RANBP17: variants seen among roughly 807,000 people sequenced by gnomAD.
RANBP17 encodes the protein RAN binding protein 17.
Under a neutral mutation model 141.2 loss-of-function variants are expected in RANBP17, and 158 were observed. That is an observed-to-expected ratio of 1.12 (90% CI 0.98 to 1.28). The LOEUF is 1.28. Ranked by LOEUF, RANBP17 falls within the 50% of genes most tolerant of loss-of-function variation. RANBP17 has a pLI of 0.00. For synonymous variants in RANBP17, 430 were observed against 450.0 expected (o/e 0.96, Z 0.56); for missense variants, 1,438 against 1,290.7 (o/e 1.11, Z -1.75).
chr5:171,053,905 AT>A (rs1451220844), intron 14 of RANBP17, among the ~76,000 whole-genome samples: 16 of 136,732 alleles, frequency 1.2e-4, no homozygotes, highest in African/African-American at 4.1e-4. Flanking sequence ...ATATATATAT[AT>A]ATATATATAT....
chr5:170,902,817 T>C (rs1261121245), intron 5 of RANBP17, among the ~76,000 whole-genome samples: 3 of 152,176 alleles, frequency 2.0e-5, no homozygotes, highest in Admixed American at 6.6e-5. Flanking sequence ...GGAGGTTCAC[T>C]CCAGACCCTG....
At chr5:171,277,192 A>AT (rs1767541535) in intron 25 of RANBP17, among the ~76,000 whole-genome samples, 1 of 151,838 alleles carries the variant, frequency 6.6e-6, no homozygotes, top group African/African-American at 2.4e-5. Flanking sequence ...GTTATTTAGG[A>AT]TTTCACTTGC....
chr5:171,274,085 G>A (rs1255012874), intron 25 of RANBP17, among the ~76,000 whole-genome samples: 2 of 151,466 alleles, frequency 1.3e-5, no homozygotes, highest in Non-Finnish European at 2.9e-5. Context: ...GTTTGTTTGA[G>A]ATAAAAATAA....
chr5:171,094,969 G>A (rs1263916923), intron 14 of RANBP17, among the ~76,000 whole-genome samples: 1 of 152,136 alleles, frequency 6.6e-6, no homozygotes, highest in African/African-American at 2.4e-5. Flanking sequence ...AATAAAGTAA[G>A]TCCAATCCCT....
intron 14 of RANBP17, among the ~76,000 whole-genome samples, chr5:171,073,312 A>G (rs1248779866): frequency 1.3e-5 from 2 of 152,202 alleles, no homozygotes; most frequent in East Asian, 1.9e-4. Context: ...GAAAACAGGT[A>G]ATGTTTTGAC....
chr5:171,007,149 A>G (rs1272892061), intron 14 of RANBP17, among the ~76,000 whole-genome samples: 3 of 152,154 alleles, frequency 2.0e-5, no homozygotes, highest in Admixed American at 2.0e-4. Context: ...GTTGAATTGT[A>G]GGACAGAGTT....
intron 5 of RANBP17, among the ~76,000 whole-genome samples, chr5:170,907,096 T>C (rs1422156): frequency 0.6 from 91,012 of 151,702 alleles, 29,072 homozygotes; most frequent in South Asian, 0.88. Context: ...GATAAATTCA[T>C]GTAGTATCCA....
At chr5:170,886,582 A>G (rs181832676) in intron 3 of RANBP17, among the ~76,000 whole-genome samples, 1 of 150,732 alleles carries the variant, frequency 6.6e-6, no homozygotes, top group Admixed American at 6.6e-5. Flanking sequence ...GATAAAATAG[A>G]GTAGTATCTA....
rs1761008869 is a variant in RANBP17 at position 171,183,436 on chromosome 5, G to A, written c.2038+6G>A. ...CCTTCTGATGGTAGATCTGGGTAAG[G>A]TTAAGAATTTAAACTCAATTAATAA... is the stretch of plus-strand genomic sequence containing the variant. On this transcript the variant is annotated splice_donor_region_variant and intron_variant, in intron 18 of 27. Transcript: ENST00000523189. 2 of 1,597,866 alleles carry A rather than the reference G, an allele frequency of 1.3e-6. No individual in the cohort carries two copies. The highest frequency in any genetic ancestry group is 2.2e-5 in the South Asian group (2 of 90,614).
chr5:171,057,001 G>A (rs188990328), intron 14 of RANBP17, among the ~76,000 whole-genome samples: 46 of 152,162 alleles, frequency 3.0e-4, no homozygotes, highest in African/African-American at 1.0e-3. Context: ...TCACCTTTGC[G>A]TTAGTGCACT....
At chr5:171,250,761 T>C (rs182123390) in intron 24 of RANBP17, among the ~76,000 whole-genome samples, 4 of 152,308 alleles carry the variant, frequency 2.6e-5, no homozygotes, top group African/African-American at 9.6e-5. Context: ...CATTATATAA[T>C]GATAAAGGGA....
At chr5:170,865,218 A>C (rs1298599522) in intron 1 of RANBP17, among the ~76,000 whole-genome samples, 3 of 152,018 alleles carry the variant, frequency 2.0e-5, no homozygotes, top group Non-Finnish European at 4.4e-5. Flanking sequence ...GCAAGCCACC[A>C]TGCCCTGCTA....
In RANBP17 at chr5:170,948,633, T is replaced by C. The variant is rs1179384132; in HGVS notation, c.1469-4964T>C. On this transcript the variant is annotated intron_variant, in intron 12 of 27. Transcript: ENST00000523189. ...TAATATTGTTAAGATGGCAGTACTC[T>C]TCAGATTGATCTCCAAATCCGGTGC... is the stretch of plus-strand genomic sequence containing the variant. Among the ~76,000 whole-genome samples, 4 of 152,318 alleles carry C rather than the reference T, an allele frequency of 2.6e-5. No individual in the cohort carries two copies. In the East Asian group the frequency reaches 7.7e-4, roughly 29 times the overall value.
intron 14 of RANBP17, among the ~76,000 whole-genome samples, chr5:171,066,048 G>T (rs1417658654): frequency 6.6e-6 from 1 of 151,800 alleles, no homozygotes; most frequent in East Asian, 1.9e-4. Flanking sequence ...TTTTAGTAGA[G>T]ACAGGATTTC....
At chr5:171,101,174 T>A (rs1787134000) in intron 14 of RANBP17, among the ~76,000 whole-genome samples, 1 of 152,212 alleles carries the variant, frequency 6.6e-6, no homozygotes, top group African/African-American at 2.4e-5. Flanking sequence ...TCTGTCTCGA[T>A]CTGTCTAATA....
chr5:170,897,156 A>G (rs774404385), intron 5 of RANBP17: 16 of 818,322 alleles, frequency 2.0e-5, no homozygotes, highest in South Asian at 5.2e-5. Flanking sequence ...TTTGATACCA[A>G]ACAGCTCATC....
intron 14 of RANBP17, among the ~76,000 whole-genome samples, chr5:171,118,689 T>C (rs905479170): frequency 6.6e-6 from 1 of 152,286 alleles, no homozygotes; most frequent in Non-Finnish European, 1.5e-5. Flanking sequence ...AAATAGTAGC[T>C]ACAAAAAATG....
intron 11 of RANBP17, 122 bp downstream of exon 11, chr5:170,919,735 A>C: frequency 4.5e-6 from 3 of 660,122 alleles, no homozygotes. Flanking sequence ...TGACAAGTGC[A>C]CACAATTGTA....
rs1004523473 is a variant in RANBP17, at chr5:170,969,788, G to A, written c.1710+1411G>A. ...AAAGCGAATTACAGATTAGTTTTTCGTTTTTGAAAAAGCTTGCACTTTAGG... is the reference window on the plus strand; with the variant it reads ...AAAGCGAATTACAGATTAGTTTTTCATTTTTGAAAAAGCTTGCACTTTAGG... On this transcript the variant is annotated intron_variant, in intron 14 of 27. Coordinates refer to ENST00000523189, the MANE Select transcript of RANBP17 (RefSeq NM_022897.5). Among the ~76,000 whole-genome samples the A allele has an allele frequency of 1.9e-3, 295 of 152,002 alleles. 1 individual carries two copies. Among genetic ancestry groups the A allele is most frequent in the Non-Finnish European group, 3.9e-3 (262 of 67,860 alleles).
Sources: gnomAD v4.1 joint callset for allele counts (sites outside exome capture counted in the v4.1 genomes callset) on GRCh38, gnomAD v4.1.1 for gene constraint, MANE v1.5 for transcripts, NCBI Gene and HGNC (gene_info 2026-07-23, HGNC 2026-07-21) for gene names.